The following CENPF variants were observed in gnomAD, a reference collection of about 807,000 sequenced individuals.
CENPF encodes AH antigen.
Under a neutral mutation model 307.3 loss-of-function variants are expected in CENPF, and 214 were observed. The ratio of observed to expected loss-of-function variants is 0.70; its 90% confidence interval spans 0.62 to 0.78. The LOEUF (loss-of-function observed/expected upper bound fraction) is 0.78. Ranked by LOEUF, CENPF falls within the 30% of genes least tolerant of loss-of-function variation. CENPF has a pLI of 0.00. For synonymous variants in CENPF, 1,259 were observed against 1,270.6 expected (o/e 0.99, Z 0.19); for missense variants, 3,401 against 3,483.9 (o/e 0.98, Z 0.60).
rs763314217 is a variant in CENPF, at chr1:214,645,296, C to A, written c.5726C>A (p.Ser1909Ter). 1.2e-6 allele frequency: 2 copies of A among 1,613,884 alleles called. No individual in the cohort carries two copies. The highest frequency in any genetic ancestry group is 1.3e-5 in the African/African-American group (1 of 74,878). The change falls in exon 13 of 20, where the codon TCG (serine) becomes TAG (stop). Residue 1909 changes from serine to a stop codon, truncating the protein, a stop_gained. Coordinates refer to ENST00000366955, the MANE Select transcript of CENPF (RefSeq NM_016343.4). LOFTEE classifies it high-confidence loss of function. ...DVENELSRIR[S>*]EKASIEHEAL... ...GAAAATGAGCTGAGTAGGATCAGAT[C>A]GGAGAAAGCTAGCATTGAGCATGAA... is the stretch of plus-strand genomic sequence containing the variant.
Position 214,658,356 on chromosome 1 carries a change from T to C in CENPF, c.8963-494T>C, listed in dbSNP as rs978749654. On this transcript the variant is annotated intron_variant, in intron 18 of 19. Transcript: ENST00000366955. ...CAACGTGAGTGAGTGTGAAATCACC[T>C]TTAGAAAGGTCAGTTTCTCTCCTCC... 2.0e-5 allele frequency among the ~76,000 whole-genome samples: 3 copies of C among 152,176 alleles called. No individual in the cohort carries two copies. The South Asian group carries it at 6.2e-4, about 32-fold the overall frequency.
At chr1:214,610,019 CTTTTT>C (rs34695664) in intron 1 of CENPF, among the ~76,000 whole-genome samples, 2 of 130,372 alleles carry the variant, frequency 1.5e-5, no homozygotes, top group African/African-American at 2.8e-5. Context: ...GTGCATGTGC[CTTTTT>C]TTTTTTTTTT....
intron 19 of CENPF, 38 bp from the exon 20 acceptor site, chr1:214,663,553 A>G: frequency 6.3e-7 from 1 of 1,593,260 alleles, no homozygotes; most frequent in Non-Finnish European, 8.6e-7. Flanking sequence ...GGAAATGTGA[A>G]TGTGATTGAA....
intron 18 of CENPF, 53 bp from the exon 19 acceptor site, chr1:214,658,797 C>T (rs1658712964): frequency 2.6e-6 from 4 of 1,550,028 alleles, no homozygotes; most frequent in Non-Finnish European, 2.7e-6. Context: ...ATCTTTTCCA[C>T]TGTAGATAGA....
In CENPF at chr1:214,643,279, T is replaced by C. The variant is rs753030672; in HGVS notation, c.4941T>C (p.Gly1647=). ...AAGTAGCACGACTCCAGCTACAAGG[T>C]CTGGACTTAAGTTCTCGGTCTTTGC... The part of the protein sequence containing the change: ...ELEVARLQLQ[G]LDLSSRSLLG... The change falls in exon 12 of 20, where the codon GGT becomes GGC. Residue 1647 remains glycine, a synonymous_variant. Transcript: ENST00000366955. 1.1e-5 allele frequency: 17 copies of C among 1,543,186 alleles called. No homozygotes were observed. The South Asian group carries it at 2.1e-4, about 19-fold the overall frequency.
intron 7 of CENPF, among the ~76,000 whole-genome samples, chr1:214,626,353 A>AT (rs2102544118): frequency 6.6e-6 from 1 of 152,024 alleles, no homozygotes; most frequent in East Asian, 1.9e-4. Context: ...CAGGGTTTTT[A>AT]TTTGTTCTAG....
chr1:214,618,438 A>G (rs905615398), intron 3 of CENPF, 135 bp from the exon 4 acceptor site: 103 of 1,083,992 alleles, frequency 9.5e-5, no homozygotes, highest in Non-Finnish European at 1.1e-4. Flanking sequence ...TGCCTGTTGG[A>G]TAAATGAAAT....
Position 214,633,218 on chromosome 1 carries a change from G to C in CENPF, c.1446+616G>C, listed in dbSNP as rs192081969. 2.3e-4 allele frequency among the ~76,000 whole-genome samples: 35 copies of C among 152,316 alleles called. No individual in the cohort carries two copies. In the East Asian group the frequency reaches 5.6e-3, roughly 24 times the overall value. On this transcript the variant is annotated intron_variant, in intron 10 of 19. Transcript: ENST00000366955. ...GGTTGACGGTGTCTTTGGAGACTTT[G>C]TTTTGTCCACAAAGTGGTGGATGAG...
At chr1:214,625,927 G>C (rs997903712) in intron 7 of CENPF, among the ~76,000 whole-genome samples, 1 of 151,930 alleles carries the variant, frequency 6.6e-6, no homozygotes, top group Non-Finnish European at 1.5e-5. Flanking sequence ...ACTACATTTT[G>C]CTTCAACTCT....
chr1:214,613,849 A>T lies in CENPF; in HGVS notation c.95A>T (p.Lys32Met), dbSNP rs1296947346. 2.5e-5 allele frequency: 41 copies of T among 1,614,036 alleles called. No homozygotes were observed. The East Asian group carries it at 9.1e-4, about 36-fold the overall frequency. The change falls in exon 2 of 20, where the codon AAG becomes ATG. Residue 32 changes from lysine (K) to methionine (M), a missense_variant. By Grantham distance (95) the Lys-to-Met change is moderately conservative. Transcript: ENST00000366955. ...GAAGGACAGCTTGACAAACTGAAGA[A>T]GGAAAAGCAGCAAAGGCAGTTTCAG... ...ELEGQLDKLK[K>M]EKQQRQFQLD...
intron 10 of CENPF, among the ~76,000 whole-genome samples, chr1:214,636,394 T>C (rs1657968123): frequency 6.6e-6 from 1 of 152,234 alleles, no homozygotes; most frequent in Non-Finnish European, 1.5e-5. Flanking sequence ...CGGTTGGAGC[T>C]GCCCTTTAGT....
Position 214,659,825 on chromosome 1 carries a change from G to GACTGGGGTATCTA in CENPF, c.9141+797_9141+798insACTGGGGTATCTA, listed in dbSNP as rs1462977414. Among the ~76,000 whole-genome samples the GACTGGGGTATCTA allele has an allele frequency of 1.3e-5, 2 of 152,150 alleles. No individual in the cohort carries two copies. Among genetic ancestry groups the GACTGGGGTATCTA allele is most frequent in the Non-Finnish European group, 2.9e-5 (2 of 68,034 alleles). ...CAGTCTTGATCTTTCTACGATACCA[G>GACTGGGGTATCTA]TGTTTCTCAGACTGGGGACTAGGGG... On this transcript the variant is annotated intron_variant, in intron 19 of 19. Transcript: ENST00000366955. The surrounding 1 kb of genome is among the most constrained non-coding windows in gnomAD (Gnocchi z 4.4).
At chr1:214,606,104 C>T in intron 1 of CENPF, 4 of 1,578,240 alleles carry the variant, frequency 2.5e-6, no homozygotes, top group Non-Finnish European at 3.4e-6. Context: ...GCAGGGTCAG[C>T]CGCGGCCTCC....
chr1:214,628,833 T>C (rs978361153), intron 7 of CENPF, among the ~76,000 whole-genome samples: 1 of 152,230 alleles, frequency 6.6e-6, no homozygotes, highest in African/African-American at 2.4e-5. Context: ...CAACAAAATG[T>C]TAGATGAATC....
At chr1:214,633,774 C>T (rs1201472681) in intron 10 of CENPF, among the ~76,000 whole-genome samples, 2 of 152,212 alleles carry the variant, frequency 1.3e-5, no homozygotes, top group African/African-American at 4.8e-5. Context: ...ATAGTTTCAT[C>T]AGCAAACGTT....
chr1:214,626,046 T>C (rs1281675665), intron 7 of CENPF, among the ~76,000 whole-genome samples: 1 of 152,230 alleles, frequency 6.6e-6, no homozygotes, highest in African/African-American at 2.4e-5. Flanking sequence ...TTGCTAAGCC[T>C]GTTCTTCCTT....
intron 14 of CENPF, 77 bp downstream of exon 14, chr1:214,648,904 C>A: frequency 1.4e-6 from 2 of 1,420,584 alleles, no homozygotes; most frequent in Non-Finnish European, 9.6e-7. Context: ...TCCTGTAAGA[C>A]CTTCTGTTGT....
Position 214,648,663 on chromosome 1 carries a change from A to T in CENPF, c.7831-12A>T, listed in dbSNP as rs537975720. On this transcript the variant is annotated splice_polypyrimidine_tract_variant and intron_variant, in intron 13 of 19. Coordinates refer to ENST00000366955, the MANE Select transcript of CENPF (RefSeq NM_016343.4). ...ACCAAAAAGCAGATTCTAATGAAAG[A>T]TGAAATTTCAGGTAAACAAAATGAC... 8.1e-6 allele frequency: 13 copies of T among 1,611,372 alleles called. No homozygotes were observed. The African/African-American group carries it at 1.7e-4, about 22-fold the overall frequency.
rs1558183580 is a variant in CENPF, at chr1:214,642,168, A to C, written c.3830A>C (p.His1277Pro). The change falls in exon 12 of 20, where the codon CAT becomes CCT. Residue 1277 changes from histidine (H) to proline (P), a missense_variant. His to Pro is a moderately conservative substitution (Grantham distance 77). Coordinates refer to ENST00000366955, the MANE Select transcript of CENPF (RefSeq NM_016343.4). ...GAAGAAAAGTATATTTCAGGGCCTC[A>C]TGAGTTGTCAACAAGTCAAAACGAC... is the stretch of plus-strand genomic sequence containing the variant. ...DAEEKYISGPHELSTSQNDNA... is the reference protein window; with the variant it reads ...DAEEKYISGPPELSTSQNDNA... 6.2e-7 allele frequency: 1 copy of C among 1,614,158 alleles called. No individual in the cohort carries two copies.
Sources: gnomAD v4.1 joint callset for allele counts (sites outside exome capture counted in the v4.1 genomes callset) on GRCh38, gnomAD v4.1.1 for gene constraint, Gnocchi (gnomAD v3.1) non-coding constraint, MANE v1.5 for transcripts, NCBI Gene and HGNC (gene_info 2026-07-23, HGNC 2026-07-21) for gene names.